The following GRID2 variants were observed in gnomAD, a reference collection of about 807,000 sequenced individuals.
GRID2 encodes glutamate ionotropic receptor delta type subunit 2.
GRID2 carries 33 observed loss-of-function variants against 114.8 expected under a neutral mutation model. That is an observed-to-expected ratio of 0.29 (90% CI 0.22 to 0.38). The LOEUF (loss-of-function observed/expected upper bound fraction) is 0.38. GRID2 is among the 10% of genes least tolerant of loss of function. The pLI, the probability that GRID2 is intolerant of heterozygous loss-of-function variation, is 1.00. For missense variants in GRID2, 1,184 were observed against 1,257.7 expected, an observed-to-expected ratio of 0.94 and a Z score of 0.89; for synonymous variants, 505 against 449.9, an observed-to-expected ratio of 1.12 and a Z score of -1.55.
intron 1 of GRID2, among the ~76,000 whole-genome samples, chr4:92,542,655 A>T (rs1329260419): frequency 6.6e-6 from 1 of 151,992 alleles, no homozygotes; most frequent in Non-Finnish European, 1.5e-5. Flanking sequence ...GGTGAGGGAT[A>T]AAAGGCTACA....
intron 2 of GRID2, among the ~76,000 whole-genome samples, chr4:92,983,864 A>G (rs1400154866): frequency 6.6e-6 from 1 of 152,120 alleles, no homozygotes; most frequent in East Asian, 1.9e-4. Flanking sequence ...TTTTATGTCA[A>G]TGCTAAGGGG....
At chr4:93,562,006 G>A (rs1734970642) in intron 13 of GRID2, among the ~76,000 whole-genome samples, 1 of 152,048 alleles carries the variant, frequency 6.6e-6, no homozygotes, top group African/African-American at 2.4e-5. Flanking sequence ...GCAAGCTTTT[G>A]TACAGACACG....
At chr4:92,639,266 CT>C (rs1159843398) in intron 2 of GRID2, among the ~76,000 whole-genome samples, 2 of 151,532 alleles carry the variant, frequency 1.3e-5, no homozygotes, top group East Asian at 3.9e-4. Flanking sequence ...TTTAAGATTT[CT>C]CTTAATATCT....
chr4:92,895,462 C>T (rs2149474465), intron 2 of GRID2, among the ~76,000 whole-genome samples: 1 of 145,690 alleles, frequency 6.9e-6, no homozygotes, highest in South Asian at 2.1e-4. Flanking sequence ...ATAAGCTTAT[C>T]AGACTTCTCC....
chr4:92,495,974 T>C (rs538054585), intron 1 of GRID2, among the ~76,000 whole-genome samples: 2 of 152,010 alleles, frequency 1.3e-5, no homozygotes, highest in African/African-American at 4.8e-5. Context: ...AAATAAGTTA[T>C]AGAGGCTTTA....
At chr4:93,461,970 C>A (rs1310135043) in intron 11 of GRID2, among the ~76,000 whole-genome samples, 2 of 152,080 alleles carry the variant, frequency 1.3e-5, no homozygotes, top group Non-Finnish European at 2.9e-5. Context: ...ATGTAATTTG[C>A]TTTCTGTTTA....
At chr4:93,778,678 G>A (rs1026212234), downstream of GRID2, among the ~76,000 whole-genome samples, 4 of 152,112 alleles carry the variant, frequency 2.6e-5, no homozygotes, top group East Asian at 1.9e-4. Context: ...GATTACAGGC[G>A]TGAGCCACCA....
intron 8 of GRID2, among the ~76,000 whole-genome samples, chr4:93,354,510 G>C (rs922829188): frequency 4.0e-5 from 6 of 151,784 alleles, no homozygotes; most frequent in Admixed American, 3.3e-4. Flanking sequence ...GTTCCCTGAG[G>C]ACAAAGATTA....
chr4:93,420,070 T>C (rs1251789391), intron 9 of GRID2, among the ~76,000 whole-genome samples: 5 of 151,992 alleles, frequency 3.3e-5, no homozygotes, highest in Non-Finnish European at 5.9e-5. Flanking sequence ...TCCTGAAAAA[T>C]AGAGAATGCA....
chr4:92,310,542 C>T (rs1490340469), intron 1 of GRID2, among the ~76,000 whole-genome samples: 1 of 151,822 alleles, frequency 6.6e-6, no homozygotes, highest in Non-Finnish European at 1.5e-5. Context: ...CAAATTTTAG[C>T]ATATTGATGT....
At chr4:93,365,425 T>C (rs1300558092) in intron 8 of GRID2, among the ~76,000 whole-genome samples, 3 of 152,190 alleles carry the variant, frequency 2.0e-5, no homozygotes, top group African/African-American at 7.2e-5. Context: ...ATTCCATGTA[T>C]AGGTTTTTGA....
intron 14 of GRID2, among the ~76,000 whole-genome samples, chr4:93,706,678 T>G (rs1728028610): frequency 6.6e-6 from 1 of 152,284 alleles, no homozygotes; most frequent in Admixed American, 6.5e-5. Context: ...ATTTGATTTC[T>G]TCCTTTGCAA....
chr4:93,590,544 T>A (rs1295143030), intron 13 of GRID2, among the ~76,000 whole-genome samples: 2 of 151,826 alleles, frequency 1.3e-5, no homozygotes. Flanking sequence ...GCGGGCTCTT[T>A]TTTGGTTCCA....
chr4:93,657,052 G>A (rs1399287666), intron 14 of GRID2, among the ~76,000 whole-genome samples: 2 of 151,690 alleles, frequency 1.3e-5, no homozygotes, highest in African/African-American at 4.8e-5. Flanking sequence ...GGTATGTTCT[G>A]GGCCTTTGGT....
At chr4:93,324,035 G>T (rs576729249) in intron 8 of GRID2, among the ~76,000 whole-genome samples, 289 of 152,036 alleles carry the variant, frequency 1.9e-3, no homozygotes, top group African/African-American at 6.5e-3. Context: ...TGAGTACCCT[G>T]TATTTCTTTC....
chr4:92,315,893 C>T (rs751043362), intron 1 of GRID2, among the ~76,000 whole-genome samples: 15 of 150,592 alleles, frequency 1.0e-4, no homozygotes, highest in Non-Finnish European at 1.9e-4. Flanking sequence ...TTGCTTGAAC[C>T]CAGGAAGTGG....
At chr4:93,193,310 A>G (rs1381809235) in intron 4 of GRID2, among the ~76,000 whole-genome samples, 1 of 152,052 alleles carries the variant, frequency 6.6e-6, no homozygotes, top group Non-Finnish European at 1.5e-5. Context: ...GTCCCCACCC[A>G]AATCTCATCT....
intron 1 of GRID2, among the ~76,000 whole-genome samples, chr4:92,478,900 TG>T (rs1722447022): frequency 6.6e-6 from 1 of 152,112 alleles, no homozygotes; most frequent in Non-Finnish European, 1.5e-5. Context: ...AGCAATTCTT[TG>T]CGGGGGTAAA....
chr4:93,011,250 A>G (rs1342846954), intron 2 of GRID2, among the ~76,000 whole-genome samples: 2 of 151,662 alleles, frequency 1.3e-5, no homozygotes, highest in African/African-American at 4.9e-5. Flanking sequence ...AAATTTGTAT[A>G]GGTATTGCCA....
Sources: allele counts gnomAD v4.1 joint callset (sites outside exome capture counted in the v4.1 genomes callset), GRCh38; gene constraint gnomAD v4.1.1; transcripts MANE v1.5; gene names NCBI Gene and HGNC (gene_info 2026-07-23, HGNC 2026-07-21).